Variants in SPMAP2L observed in about 807,000 individuals in gnomAD.
SPMAP2L encodes the protein sperm microtubule associated protein 2-like.
chr4:56,613,893 A>G, the SPMAP2L span, among the ~76,000 whole-genome samples: 1 of 152,224 alleles, frequency 6.6e-6, no homozygotes, highest in South Asian at 2.1e-4. Context: ...TAACCTCTCT[A>G]GGCTTCAATT....
chr4:56,600,967 C>T, the SPMAP2L span: 1 of 1,535,240 alleles, frequency 6.5e-7, no homozygotes. Flanking sequence ...TAAACCTAGC[C>T]CCCGAACAAT....
the SPMAP2L span, among the ~76,000 whole-genome samples, chr4:56,619,470 G>A: frequency 1.3e-5 from 2 of 152,186 alleles, no homozygotes; most frequent in Non-Finnish European, 2.9e-5. Context: ...GATACCTCAT[G>A]TAAGTGGAAT....
At chr4:56,580,878 A>C in the SPMAP2L span, among the ~76,000 whole-genome samples, 1 of 152,204 alleles carries the variant, frequency 6.6e-6, no homozygotes, top group Non-Finnish European at 1.5e-5. Flanking sequence ...CCAATTTTGC[A>C]GTAGTATCAA....
At chr4:56,539,343 A>G in the SPMAP2L span, among the ~76,000 whole-genome samples, 1 of 152,246 alleles carries the variant, frequency 6.6e-6, no homozygotes, top group Non-Finnish European at 1.5e-5. Flanking sequence ...CATACAAAGT[A>G]AAATGTACTG....
At chr4:56,576,912 T>C in the SPMAP2L span, among the ~76,000 whole-genome samples, 6 of 152,246 alleles carry the variant, frequency 3.9e-5, no homozygotes, top group African/African-American at 1.4e-4. Flanking sequence ...TATATTTCCC[T>C]GCTTTTCTAA....
the SPMAP2L span, among the ~76,000 whole-genome samples, chr4:56,577,426 A>C: frequency 5.9e-5 from 9 of 152,298 alleles, no homozygotes; most frequent in East Asian, 1.7e-3. Flanking sequence ...TACTGATATC[A>C]GACAATATAG....
At chr4:56,556,764 T>C in the SPMAP2L span, among the ~76,000 whole-genome samples, 4 of 151,898 alleles carry the variant, frequency 2.6e-5, no homozygotes, top group African/African-American at 9.7e-5. Flanking sequence ...TTCCAGCTAC[T>C]TGAGATAGGT....
the SPMAP2L span, among the ~76,000 whole-genome samples, chr4:56,534,012 G>A: frequency 2.6e-5 from 4 of 152,002 alleles, no homozygotes; most frequent in Non-Finnish European, 4.4e-5. Flanking sequence ...ACAGCAAAAT[G>A]CACAATAACT....
At chr4:56,535,920 G>A in the SPMAP2L span, among the ~76,000 whole-genome samples, 6 of 152,286 alleles carry the variant, frequency 3.9e-5, no homozygotes, top group Admixed American at 3.9e-4. Context: ...CAAGGGGTGG[G>A]GGGAACTGTT....
chr4:56,604,228 T>A, the SPMAP2L span, among the ~76,000 whole-genome samples: 4 of 152,238 alleles, frequency 2.6e-5, no homozygotes, highest in Non-Finnish European at 5.9e-5. Context: ...ACCAGGTATG[T>A]GATCTTAAAC....
At chr4:56,603,767 C>T in the SPMAP2L span, among the ~76,000 whole-genome samples, 1 of 152,138 alleles carries the variant, frequency 6.6e-6, no homozygotes, top group East Asian at 1.9e-4. Flanking sequence ...TTCAGCATCC[C>T]CTTATTACTT....
the SPMAP2L span, among the ~76,000 whole-genome samples, chr4:56,563,861 T>C: frequency 6.6e-6 from 1 of 152,158 alleles, no homozygotes; most frequent in Non-Finnish European, 1.5e-5. Context: ...TCTTGTACTG[T>C]CTTTGTCTGG....
At chr4:56,608,086 AG>A in the SPMAP2L span, among the ~76,000 whole-genome samples, 358 of 152,040 alleles carry the variant, frequency 2.4e-3, 4 homozygotes, top group East Asian at 0.041. Context: ...GGAACAAGAT[AG>A]TGGAAACTAC....
the SPMAP2L span, among the ~76,000 whole-genome samples, chr4:56,542,856 C>A: frequency 6.6e-6 from 1 of 152,120 alleles, no homozygotes; most frequent in East Asian, 1.9e-4. Flanking sequence ...ATGGTTTCAA[C>A]AACCAGTCTT....
the SPMAP2L span, among the ~76,000 whole-genome samples, chr4:56,545,826 C>T: frequency 2.6e-5 from 4 of 151,796 alleles, no homozygotes; most frequent in African/African-American, 7.3e-5. Context: ...GAGTTTCGCT[C>T]TTGTCCCCCA....
At chr4:56,604,121 C>T in the SPMAP2L span, among the ~76,000 whole-genome samples, 1 of 152,178 alleles carries the variant, frequency 6.6e-6, no homozygotes, top group African/African-American at 2.4e-5. Flanking sequence ...CTACCTTTAA[C>T]GTCTTTGTGT....
the SPMAP2L span, chr4:56,592,980 A>T: frequency 3.6e-5 from 58 of 1,604,234 alleles, no homozygotes; most frequent in South Asian, 5.1e-4. Context: ...TTGAAAATGG[A>T]AGACCCTGTT....
At chr4:56,554,725 A>G in the SPMAP2L span, among the ~76,000 whole-genome samples, 4 of 152,084 alleles carry the variant, frequency 2.6e-5, no homozygotes, top group Non-Finnish European at 5.9e-5. Context: ...TGTTTCTAAA[A>G]ACTCATTGCT....
chr4:56,566,930 C>T, the SPMAP2L span, among the ~76,000 whole-genome samples: 2 of 151,602 alleles, frequency 1.3e-5, no homozygotes, highest in Admixed American at 6.6e-5. Context: ...CTCCCAACCT[C>T]GTGATCCGCC....
Sources: allele counts gnomAD v4.1 joint callset (sites outside exome capture counted in the v4.1 genomes callset), GRCh38; gene constraint gnomAD v4.1.1; transcripts MANE v1.5; gene names NCBI Gene and HGNC (gene_info 2026-07-23, HGNC 2026-07-21).